Variants in CCDC50 observed in about 807,000 individuals in gnomAD.
The protein encoded by CCDC50 is coiled-coil domain-containing protein 50.
A neutral mutation model predicts 70.2 loss-of-function variants in CCDC50; 54 were observed. The ratio of observed to expected loss-of-function variants is 0.77; its 90% CI spans 0.62 to 0.96. The LOEUF (loss-of-function observed/expected upper bound fraction) is 0.96. Ranked by LOEUF, CCDC50 falls within the 50% of genes least tolerant of loss-of-function variation. The pLI is 0.00. For missense variants in CCDC50, 558 were observed against 578.7 expected, an observed-to-expected ratio of 0.96 and a Z score of 0.37; for synonymous variants, 216 against 198.8, an observed-to-expected ratio of 1.09 and a Z score of -0.73.
At chr3:191,344,961 A>G (rs1018928480) in intron 1 of CCDC50, among the ~76,000 whole-genome samples, 4 of 152,194 alleles carry the variant, frequency 2.6e-5, no homozygotes, top group Admixed American at 2.6e-4. Context: ...CCTCAAATGC[A>G]CATCCACATC....
rs116317274 is a variant in CCDC50, at chr3:191,393,961, A to T, written c.*2201A>T. On this transcript the variant is annotated 3_prime_UTR_variant, in exon 12 of 12. Coordinates refer to ENST00000392455, the MANE Select transcript of CCDC50 (RefSeq NM_178335.3). ...AATATTTATTTTTCTATCTCATACA[A>T]TGATCAGTTTTACTTTAAAAATTCT... 8 of 152,254 alleles carry T rather than the reference A, an allele frequency of 5.3e-5. No individual in the cohort carries two copies. Among genetic ancestry groups the T allele is most frequent in the African/African-American group, 1.9e-4 (8 of 41,572 alleles). The allele number at this position is 152,254 out of a possible 1,614,324, so 9.4% of individuals were successfully genotyped here.
chr3:191,335,282 G>A (rs955727154), intron 1 of CCDC50, among the ~76,000 whole-genome samples: 1 of 152,198 alleles, frequency 6.6e-6, no homozygotes, highest in Non-Finnish European at 1.5e-5. Flanking sequence ...TTGATCCATA[G>A]AGGAGAAAAC....
At chr3:191,332,157 A>G (rs1177581907) in intron 1 of CCDC50, among the ~76,000 whole-genome samples, 2 of 152,108 alleles carry the variant, frequency 1.3e-5, no homozygotes, top group East Asian at 1.9e-4. Flanking sequence ...GAACATTTCA[A>G]TAGAGGTCGT....
chr3:191,379,254 T>C (rs762407649), intron 6 of CCDC50, among the ~76,000 whole-genome samples: 2 of 152,042 alleles, frequency 1.3e-5, no homozygotes, highest in Non-Finnish European at 2.9e-5. Context: ...GCAAATATTT[T>C]TATACGTGTT....
At chr3:191,378,230 T>G (rs1713184782) in intron 6 of CCDC50, among the ~76,000 whole-genome samples, 1 of 152,156 alleles carries the variant, frequency 6.6e-6, no homozygotes, top group Non-Finnish European at 1.5e-5. Flanking sequence ...CCTCAGATTC[T>G]GACTCTTACT....
chr3:191,369,333 G>T (rs929378117), intron 4 of CCDC50, among the ~76,000 whole-genome samples: 2 of 151,888 alleles, frequency 1.3e-5, no homozygotes, highest in East Asian at 1.9e-4. Context: ...TTCATAAAGG[G>T]ATGATAATCT....
Position 191,380,681 on chromosome 3 carries a change from T to A in CCDC50, c.1093-6T>A. 7 of 1,612,056 alleles carry A rather than the reference T, an allele frequency of 4.3e-6. No individual in the cohort carries two copies. The highest frequency in any genetic ancestry group is 2.2e-5 in the East Asian group (1 of 44,790). Reference sequence around the variant, plus strand: ...ATTCTTTGTTTTTGTATTTTCGATATCATAGGCTACCCAGGTGGACATGAG... The same window carrying A: ...ATTCTTTGTTTTTGTATTTTCGATAACATAGGCTACCCAGGTGGACATGAG... On this transcript the variant is annotated splice_polypyrimidine_tract_variant and splice_region_variant and intron_variant, in intron 7 of 11. Transcript: ENST00000392455.
At chr3:191,361,508 T>C (rs573533919) in intron 4 of CCDC50, among the ~76,000 whole-genome samples, 48 of 152,162 alleles carry the variant, frequency 3.2e-4, no homozygotes, top group Non-Finnish European at 5.7e-4. Context: ...CGCTACCTCT[T>C]GGGAAGGATC....
intron 1 of CCDC50, among the ~76,000 whole-genome samples, chr3:191,344,527 G>A (rs1278653515): frequency 6.6e-6 from 1 of 152,190 alleles, no homozygotes. Flanking sequence ...ATGTTGGATC[G>A]ATAGAACATA....
At position 191,352,200 on chromosome 3, in the gene CCDC50, G is replaced by T. The variant is rs139027085; in HGVS notation, c.50-4888G>T. 2.2e-3 allele frequency among the ~76,000 whole-genome samples: 306 copies of T among 141,994 alleles called. 33 individuals carry two copies. The highest frequency in any genetic ancestry group is 0.014 in the Middle Eastern group (4 of 280). The allele number at this position is 141,994 out of a possible 152,430, so 93.2% of individuals were successfully genotyped here. On this transcript the variant is annotated intron_variant, in intron 1 of 11. Transcript: ENST00000392455. ...TTTTCCTCTCTGATATTTCATCTCAGTGATGGCTTGGAGATGACTCATTCA... is the reference window on the plus strand; with the variant it reads ...TTTTCCTCTCTGATATTTCATCTCATTGATGGCTTGGAGATGACTCATTCA...
intron 7 of CCDC50, 66 bp from the exon 8 acceptor site, chr3:191,380,621 A>G: frequency 6.9e-7 from 1 of 1,454,858 alleles, no homozygotes; most frequent in South Asian, 1.2e-5. Flanking sequence ...ATTTTGTACA[A>G]GATACTGAAA....
At chr3:191,355,600 T>C (rs759575975) in intron 1 of CCDC50, among the ~76,000 whole-genome samples, 8 of 152,156 alleles carry the variant, frequency 5.3e-5, no homozygotes, top group Non-Finnish European at 8.8e-5. Context: ...CCTTCTGGCT[T>C]TCAGTTTCCT....
rs1349234021 is a variant in CCDC50 at position 191,391,788 on chromosome 3, A to G, written c.*28A>G. ...ACCTAGGAATCTGCCTTGAAAATGG[A>G]CTCACTATAGCAAATATTACTGGGT... is the stretch of plus-strand genomic sequence containing the variant. On this transcript the variant is annotated 3_prime_UTR_variant, in exon 12 of 12. Coordinates refer to ENST00000392455, the MANE Select transcript of CCDC50 (RefSeq NM_178335.3). 1 of 1,599,938 alleles carries G rather than the reference A, an allele frequency of 6.3e-7. No individual in the cohort carries two copies. The highest frequency in any genetic ancestry group is 2.2e-5 in the East Asian group (1 of 44,692).
At chr3:191,349,129 A>G (rs927898664) in intron 1 of CCDC50, among the ~76,000 whole-genome samples, 1 of 141,266 alleles carries the variant, frequency 7.1e-6, no homozygotes, top group Non-Finnish European at 1.6e-5. Context: ...TATTGGCGGT[A>G]GTGATATTGA....
chr3:191,391,290 A>G (rs895493511), intron 11 of CCDC50, among the ~76,000 whole-genome samples: 12 of 152,180 alleles, frequency 7.9e-5, no homozygotes, highest in African/African-American at 2.9e-4. Flanking sequence ...TTCAATCAGA[A>G]TCTCTGGATG....
chr3:191,337,292 TATA>T, intron 1 of CCDC50, among the ~76,000 whole-genome samples: 1 of 152,360 alleles, frequency 6.6e-6, no homozygotes, highest in Admixed American at 6.5e-5. Context: ...TTTGCTTTAA[TATA>T]ATGATGCCCT....
At chr3:191,332,341 C>A (rs766364715) in intron 1 of CCDC50, among the ~76,000 whole-genome samples, 1 of 152,132 alleles carries the variant, frequency 6.6e-6, no homozygotes, top group African/African-American at 2.4e-5. Context: ...CTTGGTAAAT[C>A]TCTTAAACTG....
rs758470341 is a variant in CCDC50 at position 191,369,963 on chromosome 3, A to G, written c.375A>G (p.Lys125=). The G allele has an allele frequency of 2.5e-5, 40 of 1,613,444 alleles. No individual in the cohort carries two copies. Among genetic ancestry groups the G allele is most frequent in the African/African-American group, 4.0e-5 (3 of 74,896 alleles). Residue 125 remains lysine (K), a synonymous_variant, in exon 5 of 12, where the codon AAA becomes AAG. Coordinates refer to ENST00000392455, the MANE Select transcript of CCDC50 (RefSeq NM_178335.3). ...LLQEKELQEE[K]KRKKHFPEFP... ...AAGAAAAGGAGTTACAGGAAGAGAA[A>G]AAGAGAAAGAAACACTTTCCAGAGT...
chr3:191,380,038 G>A (rs976199860), intron 6 of CCDC50, 121 bp from the exon 7 acceptor site: 3 of 682,568 alleles, frequency 4.4e-6, no homozygotes, highest in Non-Finnish European at 7.8e-6. Context: ...GTATTCTGGA[G>A]TAGAGGTAGT....
Sources: gnomAD v4.1 joint callset for allele counts (sites outside exome capture counted in the v4.1 genomes callset) on GRCh38, gnomAD v4.1.1 for gene constraint, MANE v1.5 for transcripts, NCBI Gene and HGNC (gene_info 2026-07-23, HGNC 2026-07-21) for gene names.